Variants in IGLL5 observed in about 807,000 individuals in gnomAD.
The protein encoded by IGLL5 is immunoglobulin lambda-like polypeptide 5.
IGLL5 carries 30 observed loss-of-function variants against 20.9 expected under a neutral mutation model. That is an observed-to-expected ratio of 1.44 (90% CI 1.07 to 1.95). The LOEUF (loss-of-function observed/expected upper bound fraction) is 1.95. IGLL5 is among the 30% of genes most tolerant of loss of function. The probability of loss-of-function intolerance (pLI) is 0.00; values close to 1 mark genes in which losing one functional copy is unlikely to be tolerated. For synonymous variants in IGLL5, 203 were observed against 117.3 expected, an observed-to-expected ratio of 1.73 and a Z score of -4.72; for missense variants, 475 against 270.7, an observed-to-expected ratio of 1.75 and a Z score of -5.30.
At position 22,895,662 on chromosome 22, in the gene IGLL5, G is replaced by C; in HGVS notation, c.613G>C (p.Glu205Gln). Residue 205 changes from glutamate (E) to glutamine (Q), a missense_variant, in exon 3 of 3, where the codon GAG becomes CAG. Physicochemically the swap from Glu to Gln is conservative, Grantham distance 29 (BLOSUM62 2). Transcript: ENST00000526893. The stretch of plus-strand genomic sequence containing the variant: ...GGTCACGCATGAAGGGAGCACCGTG[G>C]AGAAGACAGTGGCCCCTACAGAATG... ...CQVTHEGSTV[E>Q]KTVAPTECS 6.2e-7 allele frequency: 1 copy of C among 1,613,288 alleles called. No individual in the cohort carries two copies. Among genetic ancestry groups the C allele is most frequent in the Non-Finnish European group, 8.5e-7 (1 of 1,179,760 alleles).
At position 22,888,177 on chromosome 22, in the gene IGLL5, A is replaced by T. The variant is rs550903741; in HGVS notation, c.124A>T (p.Met42Leu). The change falls in exon 1 of 3, where the codon ATG becomes TTG. Residue 42 changes from methionine (M) to leucine (L), a missense_variant. Met to Leu is a conservative substitution (Grantham distance 15). Coordinates refer to ENST00000526893, the MANE Select transcript of IGLL5 (RefSeq NM_001178126.2). ...GGTCGCCCATGGCCTGCTGCGCCCA[A>T]TGGTTGCACCGCAAAGCGGGGACCC... is the stretch of plus-strand genomic sequence containing the variant. The part of the protein sequence containing the change: ...AMVAHGLLRP[M>L]VAPQSGDPDP... 9 of 1,548,858 alleles carry T rather than the reference A, an allele frequency of 5.8e-6. No homozygotes were observed. Among genetic ancestry groups the T allele is most frequent in the African/African-American group, 2.7e-5 (2 of 72,860 alleles).
chr22:22,890,508 T>C (rs2146008002), intron 1 of IGLL5, among the ~76,000 whole-genome samples: 1 of 147,338 alleles, frequency 6.8e-6, no homozygotes, highest in Non-Finnish European at 1.5e-5. Context: ...CCAGAATTTA[T>C]TTCCACTAAA....
At chr22:22,888,727 C>A (rs549710138) in intron 1 of IGLL5, among the ~76,000 whole-genome samples, 1 of 151,300 alleles carries the variant, frequency 6.6e-6, no homozygotes, top group Non-Finnish European at 1.5e-5. Flanking sequence ...TCCCCCAAGG[C>A]TGTCTGTTCA....
chr22:22,888,940 A>G (rs545164905), intron 1 of IGLL5, among the ~76,000 whole-genome samples: 3 of 151,346 alleles, frequency 2.0e-5, no homozygotes, highest in South Asian at 4.2e-4. Context: ...TGCCCCCAAA[A>G]GACAGAGCAG....
intron 2 of IGLL5, among the ~76,000 whole-genome samples, 187 bp downstream of exon 2, chr22:22,894,005 G>T (rs895144016): frequency 3.3e-5 from 5 of 149,874 alleles, no homozygotes; most frequent in South Asian, 2.2e-4. Context: ...CTCCACAGTG[G>T]GAGCAGCCGG....
Position 22,895,804 on chromosome 22 carries a change from C to A in IGLL5, c.*110C>A. On this transcript the variant is annotated 3_prime_UTR_variant, in exon 3 of 3. Coordinates refer to ENST00000526893, the MANE Select transcript of IGLL5 (RefSeq NM_001178126.2). ...GCCCTTCTCCCTGCACTCATGAAACCCCAATAAATATCCTCATTGACAACC... is the reference window on the plus strand; with the variant it reads ...GCCCTTCTCCCTGCACTCATGAAACACCAATAAATATCCTCATTGACAACC... 1.0e-6 allele frequency: 1 copy of A among 987,130 alleles called. No homozygotes were observed. Among genetic ancestry groups the A allele is most frequent in the Non-Finnish European group, 1.6e-6 (1 of 626,410 alleles). The allele number at this position is 987,130 out of a possible 1,614,324, so 61.1% of individuals were successfully genotyped here.
In IGLL5 at chr22:22,888,100, TG is replaced by T; in HGVS notation, c.50del (p.Gly17AlafsTer92). ...GTGGGTTGTGAGACCCCTGAGGAGC[TG>T]GGCCCTGGTCCCAGGCAGCGCTGGC... Reference protein sequence around the residue: ...GQVGCETPEELGPGPRQRWPL... With the variant: ...GQVGCETPEEXGPGPRQRWPL... On this transcript the variant is annotated frameshift_variant, in exon 1 of 3. Coordinates refer to ENST00000526893, the MANE Select transcript of IGLL5 (RefSeq NM_001178126.2). LOFTEE classifies it high-confidence loss of function. The T allele has an allele frequency of 6.5e-7, 1 of 1,549,340 alleles. No individual in the cohort carries two copies. Among genetic ancestry groups the T allele is most frequent in the Non-Finnish European group, 8.7e-7 (1 of 1,146,626 alleles).
rs576960332 is a variant in IGLL5, at chr22:22,888,209, T to A, written c.156T>A (p.Pro52=). 1.3e-6 allele frequency: 2 copies of A among 1,548,452 alleles called. No individual in the cohort carries two copies. The highest frequency in any genetic ancestry group is 2.5e-5 in the East Asian group (1 of 40,590). ...CACCGCAAAGCGGGGACCCAGACCC[T>A]GGAGCCTCAGTTGGAAGCAGCCGAT... The part of the protein sequence containing the change: ...MVAPQSGDPD[P]GASVGSSRSS... The change falls in exon 1 of 3, where the codon CCT becomes CCA. Residue 52 remains proline (P), a synonymous_variant. Transcript: ENST00000526893.
intron 1 of IGLL5, among the ~76,000 whole-genome samples, chr22:22,889,481 T>A (rs1739840472): frequency 1.3e-5 from 2 of 151,372 alleles, no homozygotes; most frequent in African/African-American, 2.4e-5. Flanking sequence ...TAACCAAATC[T>A]TTATAACAAG....
chr22:22,888,385 C>G (rs143692709), intron 1 of IGLL5, 126 bp downstream of exon 1: 23 of 760,984 alleles, frequency 3.0e-5, no homozygotes, highest in Middle Eastern at 3.9e-4. Context: ...TGGGCTGACA[C>G]TGGCTTTAGT....
intron 1 of IGLL5, among the ~76,000 whole-genome samples, chr22:22,888,620 G>C (rs540596066): frequency 1.3e-5 from 2 of 151,288 alleles, no homozygotes; most frequent in South Asian, 2.1e-4. Flanking sequence ...GGGTGCCCAG[G>C]CCTGTTCCTC....
At chr22:22,891,453 G>A (rs1367906413) in intron 1 of IGLL5, among the ~76,000 whole-genome samples, 6 of 151,008 alleles carry the variant, frequency 4.0e-5, no homozygotes, top group Admixed American at 1.3e-4. Context: ...TGGTATGTTC[G>A]GTAACTGGTA....
At chr22:22,888,747 A>T (rs543218080) in intron 1 of IGLL5, among the ~76,000 whole-genome samples, 2 of 151,384 alleles carry the variant, frequency 1.3e-5, no homozygotes, top group African/African-American at 2.4e-5. Flanking sequence ...ACCAACTTGC[A>T]CATAAATGCT....
chr22:22,894,241 C>T (rs150593100), intron 2 of IGLL5, among the ~76,000 whole-genome samples: 20 of 150,888 alleles, frequency 1.3e-4, no homozygotes, highest in East Asian at 8.2e-4. Context: ...CCAAGAACAG[C>T]TGAGGGTCTA....
At chr22:22,890,099 T>C (rs931380034) in intron 1 of IGLL5, among the ~76,000 whole-genome samples, 1 of 150,764 alleles carries the variant, frequency 6.6e-6, no homozygotes, top group African/African-American at 2.4e-5. Context: ...CTCATGTGCA[T>C]TACTCTTTTT....
chr22:22,893,986 A>C (rs928263337), intron 2 of IGLL5, among the ~76,000 whole-genome samples, 168 bp downstream of exon 2: 2 of 150,956 alleles, frequency 1.3e-5, no homozygotes, highest in Middle Eastern at 3.7e-3. Flanking sequence ...GGTAACCGGC[A>C]GGAAGGGCCT....
At chr22:22,891,338 A>G (rs1246098740) in intron 1 of IGLL5, among the ~76,000 whole-genome samples, 1 of 151,052 alleles carries the variant, frequency 6.6e-6, no homozygotes, top group East Asian at 2.0e-4. Flanking sequence ...TATAAATGCA[A>G]CTTTTCTCAA....
intron 1 of IGLL5, among the ~76,000 whole-genome samples, chr22:22,888,646 G>C (rs1488361564): frequency 6.6e-6 from 1 of 151,252 alleles, no homozygotes; most frequent in Non-Finnish European, 1.5e-5. Flanking sequence ...CCTCCTCTCT[G>C]CCCATGTGCC....
In IGLL5 at chr22:22,893,778, GTGTTATGTCTTC is replaced by G; in HGVS notation, c.286_297del (p.Cys96_Phe99del). 1 of 1,604,532 alleles carries G rather than the reference GTGTTATGTCTTC, an allele frequency of 6.2e-7. No individual in the cohort carries two copies. Among genetic ancestry groups the G allele is most frequent in the East Asian group, 2.3e-5 (1 of 44,196 alleles). ...GGTTTTGGTCTGAGCCTCAGTCACT[GTGTTATGTCTTC>G]GGAACTGGGACCAAGGTCACCGTCC... On this transcript the variant is annotated inframe_deletion, in exon 2 of 3. Coordinates refer to ENST00000526893, the MANE Select transcript of IGLL5 (RefSeq NM_001178126.2).
Sources: allele counts gnomAD v4.1 joint callset (sites outside exome capture counted in the v4.1 genomes callset), GRCh38; gene constraint gnomAD v4.1.1; transcripts MANE v1.5; gene names NCBI Gene and HGNC (gene_info 2026-07-23, HGNC 2026-07-21).